EHD4: variants seen among roughly 807,000 people sequenced by gnomAD.
The protein encoded by EHD4 is EH domain containing 4.
EHD4 carries 37 observed loss-of-function variants against 51.0 expected under a neutral mutation model. The observed-to-expected ratio is 0.73, with a 90% CI of 0.56 to 0.95. The LOEUF is 0.95. Among genes scored for constraint, EHD4 ranks in the 40% least tolerant of loss-of-function variants. The pLI is 0.00. For missense variants in EHD4, 632 were observed against 733.1 expected (o/e 0.86, Z 1.59); for synonymous variants, 297 against 317.3 (o/e 0.94, Z 0.68).
At chr15:41,925,202 GA>G (rs1410065416) in intron 3 of EHD4, among the ~76,000 whole-genome samples, 4 of 152,170 alleles carry the variant, frequency 2.6e-5, no homozygotes, top group African/African-American at 9.7e-5. Context: ...ACAAACTGCT[GA>G]ATGGACCAGG....
chr15:41,933,295 C>T (rs1003719749), intron 3 of EHD4, among the ~76,000 whole-genome samples: 2 of 152,216 alleles, frequency 1.3e-5, no homozygotes, highest in African/African-American at 4.8e-5. Flanking sequence ...TCAAGCCACA[C>T]GTGTATCCTG....
At chr15:41,909,517 G>A (rs1347640682) in intron 5 of EHD4, among the ~76,000 whole-genome samples, 182 bp downstream of exon 5, 1 of 152,204 alleles carries the variant, frequency 6.6e-6, no homozygotes, top group African/African-American at 2.4e-5. Context: ...CTTTGTTTAC[G>A]CATTTTGGAA....
intron 1 of EHD4, among the ~76,000 whole-genome samples, chr15:41,963,150 C>T (rs1379238364): frequency 6.6e-6 from 1 of 152,188 alleles, no homozygotes; most frequent in African/African-American, 2.4e-5. Flanking sequence ...GGGACACAAA[C>T]ACTGCGGAAG....
intron 1 of EHD4, among the ~76,000 whole-genome samples, chr15:41,966,173 T>C (rs2067960548): frequency 6.6e-6 from 1 of 151,994 alleles, no homozygotes; most frequent in Admixed American, 6.6e-5. Flanking sequence ...CCCCCAGGCC[T>C]AGCTGCTGAG....
intron 2 of EHD4, among the ~76,000 whole-genome samples, chr15:41,948,355 G>A (rs2067829211): frequency 6.6e-6 from 1 of 151,952 alleles, no homozygotes; most frequent in Non-Finnish European, 1.5e-5. Context: ...AAGGTCTCTC[G>A]CTATGTTGCC....
intron 5 of EHD4, among the ~76,000 whole-genome samples, chr15:41,906,013 A>G (rs1291456685): frequency 1.8e-4 from 28 of 152,192 alleles, no homozygotes; most frequent in Admixed American, 1.8e-3. Context: ...CCAGGGGCCT[A>G]GAACAGTGAT....
chr15:41,910,970 A>G (rs2067545809), intron 4 of EHD4, among the ~76,000 whole-genome samples: 1 of 152,220 alleles, frequency 6.6e-6, no homozygotes, highest in Non-Finnish European at 1.5e-5. Context: ...GAAAATGACT[A>G]TGTAGCAACG....
intron 4 of EHD4, among the ~76,000 whole-genome samples, chr15:41,914,569 A>C (rs2067571031): frequency 6.6e-6 from 1 of 152,122 alleles, no homozygotes; most frequent in Non-Finnish European, 1.5e-5. Context: ...CACTTGTCTG[A>C]GGTCAACCTT....
intron 2 of EHD4, 77 bp downstream of exon 2, chr15:41,953,687 C>A: frequency 6.9e-7 from 1 of 1,457,354 alleles, no homozygotes; most frequent in Non-Finnish European, 9.2e-7. Flanking sequence ...GTTTTTGAAC[C>A]TTTATATGTA....
At chr15:41,964,847 C>A (rs866015124) in intron 1 of EHD4, among the ~76,000 whole-genome samples, 6 of 151,754 alleles carry the variant, frequency 4.0e-5, no homozygotes, top group South Asian at 4.1e-4. Context: ...TCTCAGCTTA[C>A]TGCAGCCTCG....
intron 1 of EHD4, among the ~76,000 whole-genome samples, chr15:41,966,980 G>T (rs1386847767): frequency 2.0e-5 from 3 of 152,148 alleles, no homozygotes; most frequent in African/African-American, 7.2e-5. Context: ...CAAGTCAACA[G>T]ACCAGCCCAG....
chr15:41,905,543 G>A (rs530530009), intron 5 of EHD4, among the ~76,000 whole-genome samples: 4 of 152,332 alleles, frequency 2.6e-5, no homozygotes, highest in South Asian at 2.1e-4. Flanking sequence ...ACAGACTTAC[G>A]TGGGAGAGAG....
At chr15:41,956,019 T>C (rs2067885362) in intron 1 of EHD4, among the ~76,000 whole-genome samples, 1 of 152,146 alleles carries the variant, frequency 6.6e-6, no homozygotes, top group Admixed American at 6.5e-5. Context: ...AGGGAGGGGC[T>C]TGGGAGAACA....
chr15:41,960,900 T>C (rs1469897887), intron 1 of EHD4, among the ~76,000 whole-genome samples: 1 of 152,200 alleles, frequency 6.6e-6, no homozygotes, highest in Non-Finnish European at 1.5e-5. Context: ...CTCAAACTCC[T>C]GACCTCAGGT....
At chr15:41,958,186 G>A (rs941022233) in intron 1 of EHD4, among the ~76,000 whole-genome samples, 2 of 151,894 alleles carry the variant, frequency 1.3e-5, no homozygotes, top group African/African-American at 2.4e-5. Context: ...CCTGTGCTTT[G>A]GAGACTTGAT....
chr15:41,902,771 A>T (rs983761169), intron 5 of EHD4, among the ~76,000 whole-genome samples: 2 of 148,318 alleles, frequency 1.3e-5, no homozygotes, highest in African/African-American at 5.1e-5. Context: ...ACATATATGT[A>T]TGTGTGTATA....
Position 41,919,192 on chromosome 15 carries a change from AGGCATCTCCT to A in EHD4, c.924+8_924+17del. On this transcript the variant is annotated splice_region_variant and intron_variant, in intron 4 of 5. Coordinates refer to ENST00000220325, the MANE Select transcript of EHD4 (RefSeq NM_139265.4). ...AGTCCCAGCCCCTGGCCTCTGTGCA[AGGCATCTCCT>A]GGCTTACCTTGGCCAGCCTCGCTCG... The A allele has an allele frequency of 6.2e-7, 1 of 1,612,976 alleles. No individual in the cohort carries two copies. The highest frequency in any genetic ancestry group is 8.5e-7 in the Non-Finnish European group (1 of 1,180,010).
At chr15:41,968,585 T>C (rs2067976786) in intron 1 of EHD4, among the ~76,000 whole-genome samples, 1 of 151,848 alleles carries the variant, frequency 6.6e-6, no homozygotes, top group Admixed American at 6.6e-5. Context: ...CCACTGCACC[T>C]GGCCCCTCAT....
At chr15:41,951,368 A>C (rs1045349593) in intron 2 of EHD4, among the ~76,000 whole-genome samples, 1 of 152,242 alleles carries the variant, frequency 6.6e-6, no homozygotes, top group Non-Finnish European at 1.5e-5. Context: ...TATTTTCAGC[A>C]AGTTTTAAAT....
Sources: allele counts gnomAD v4.1 joint callset (sites outside exome capture counted in the v4.1 genomes callset), GRCh38; gene constraint gnomAD v4.1.1; transcripts MANE v1.5; gene names NCBI Gene and HGNC (gene_info 2026-07-23, HGNC 2026-07-21).